NEB: variants seen among roughly 807,000 people sequenced by gnomAD.
The protein encoded by NEB is nemaline myopathy type 2.
In NEB, 512 loss-of-function variants were observed where a neutral mutation model predicts 952.2. That is an observed-to-expected ratio of 0.54 (90% confidence interval 0.50 to 0.58). The LOEUF (loss-of-function observed/expected upper bound fraction) is 0.58. Among genes scored for constraint, NEB ranks in the 20% least tolerant of loss-of-function variants. The probability of loss-of-function intolerance (pLI) is 0.00; values close to 1 mark genes in which losing one functional copy is unlikely to be tolerated. For missense variants in NEB, 8,428 were observed against 9,231.1 expected, an observed-to-expected ratio of 0.91 and a Z score of 3.56; for synonymous variants, 2,900 against 3,149.8, an observed-to-expected ratio of 0.92 and a Z score of 2.66.
intron 70 of NEB, 44 bp from the exon 71 acceptor site, chr2:151,625,682 T>C: frequency 2.2e-6 from 3 of 1,387,092 alleles, no homozygotes; most frequent in Non-Finnish European, 2.9e-6. Context: ...AACAGTTTGT[T>C]GTAAACAGGA....
chr2:151,642,554 A>T lies in NEB; in HGVS notation c.8373+20T>A. The T allele has an allele frequency of 6.3e-7, 1 of 1,590,014 alleles. No homozygotes were observed. Among genetic ancestry groups the T allele is most frequent in the Non-Finnish European group, 8.6e-7 (1 of 1,161,998 alleles). On this transcript the variant is annotated intron_variant, in intron 60 of 181. Coordinates refer to ENST00000397345, the MANE Select transcript of NEB (RefSeq NM_001164508.2). ...TCTTTGAGCCAAAGCTAAGGCAAAT[A>T]ACTTTCCAAGTATACTTACTTCACT...
At chr2:151,500,147 A>G (rs2063334935) in intron 168 of NEB, among the ~76,000 whole-genome samples, 1 of 152,214 alleles carries the variant, frequency 6.6e-6, no homozygotes, top group Non-Finnish European at 1.5e-5. Flanking sequence ...ACATATTAAC[A>G]TTGAAAATTT....
At chr2:151,674,668 G>C in intron 35 of NEB, 84 bp from the exon 36 acceptor site, 3 of 1,027,350 alleles carry the variant, frequency 2.9e-6, no homozygotes, top group Non-Finnish European at 4.5e-6. Context: ...CCAGACAGAA[G>C]TTGAAGGAAT....
intron 124 of NEB, among the ~76,000 whole-genome samples, chr2:151,558,331 G>A (rs1290333907): frequency 6.6e-6 from 1 of 152,118 alleles, no homozygotes; most frequent in Non-Finnish European, 1.5e-5. Flanking sequence ...CCTCTTCAAG[G>A]AGAACTACAA....
intron 14 of NEB, 34 bp from the exon 15 acceptor site, chr2:151,697,491 G>T: frequency 6.2e-7 from 1 of 1,603,558 alleles, no homozygotes. Flanking sequence ...TTATTAATTG[G>T]TGAAATAATG....
At chr2:151,626,859 C>A in intron 70 of NEB, 143 bp downstream of exon 70, 1 of 1,065,240 alleles carries the variant, frequency 9.4e-7, no homozygotes. Flanking sequence ...ATATTGTTAT[C>A]TAACAGAATA....
At chr2:151,498,134 C>G in intron 170 of NEB, 126 bp downstream of exon 170, 1 of 1,524,182 alleles carries the variant, frequency 6.6e-7, no homozygotes, top group Non-Finnish European at 8.9e-7. Context: ...AAAGTATATC[C>G]TTTTGTAATA....
intron 137 of NEB, 32 bp from the exon 138 acceptor site, chr2:151,540,480 C>A: frequency 6.7e-7 from 1 of 1,487,152 alleles, no homozygotes; most frequent in Non-Finnish European, 9.2e-7. Context: ...GAGAGACAAG[C>A]TTAAGTGTCT....
chr2:151,553,052 C>T (rs1029969596), intron 127 of NEB, among the ~76,000 whole-genome samples: 1 of 152,196 alleles, frequency 6.6e-6, no homozygotes, highest in Non-Finnish European at 1.5e-5. Flanking sequence ...GGAAAATCCT[C>T]TCTTTACAAA....
At chr2:151,671,368 T>C (rs1394280558) in intron 37 of NEB, 139 bp from the exon 38 acceptor site, 10 of 689,268 alleles carry the variant, frequency 1.5e-5, no homozygotes, top group Admixed American at 8.0e-5. Context: ...ACAGAGCTTA[T>C]CTGGAGTGTG....
chr2:151,548,284 C>T, intron 131 of NEB, 24 bp downstream of exon 131: 1 of 1,551,946 alleles, frequency 6.4e-7, no homozygotes, highest in South Asian at 1.1e-5. Context: ...CAATATGTCT[C>T]TTGGAGAATC....
chr2:151,645,419 T>G (rs995065848), intron 55 of NEB, among the ~76,000 whole-genome samples: 15 of 152,220 alleles, frequency 9.9e-5, no homozygotes, highest in Admixed American at 3.3e-4. Context: ...AAACTTATGT[T>G]TTGAAGAAGG....
At chr2:151,654,268 A>G (rs999679318) in intron 51 of NEB, among the ~76,000 whole-genome samples, 169 bp from the exon 52 acceptor site, 4 of 152,174 alleles carry the variant, frequency 2.6e-5, no homozygotes, top group African/African-American at 4.8e-5. Flanking sequence ...GGGAAAAAGC[A>G]CTGACTCAGC....
rs1435456283 is a variant in NEB at position 151,614,325 on chromosome 2, T to C, written c.11552A>G (p.Asp3851Gly). Residue 3851 changes from aspartate (D) to glycine (G), a missense_variant, in exon 77 of 182, where the codon GAT becomes GGT. Asp to Gly is a moderately conservative substitution (Grantham distance 94). Transcript: ENST00000397345. ...HPLHEWTCLP[D>G]QNDVIQARKA... Reference sequence around the variant, plus strand: ...CCGAGCCTGAATGACGTCATTCTGATCAGGCAGGCAGGTCCATTCATGCAG... The same window carrying C: ...CCGAGCCTGAATGACGTCATTCTGACCAGGCAGGCAGGTCCATTCATGCAG... 1.2e-6 allele frequency: 2 copies of C among 1,613,812 alleles called. No homozygotes were observed. The highest frequency in any genetic ancestry group is 1.6e-4 in the Middle Eastern group (1 of 6,082).
chr2:151,656,677 C>A (rs1424435736), intron 48 of NEB, among the ~76,000 whole-genome samples: 10 of 151,798 alleles, frequency 6.6e-5, no homozygotes, highest in Non-Finnish European at 8.8e-5. Flanking sequence ...GTTCTTATTA[C>A]TCTCCTCATT....
At position 151,519,069 on chromosome 2, in the gene NEB, C is replaced by A. The variant is rs369765913; in HGVS notation, c.22591G>T (p.Val7531Phe). The A allele has an allele frequency of 2.5e-6, 4 of 1,595,354 alleles. No individual in the cohort carries two copies. In the African/African-American group the frequency reaches 5.4e-5, roughly 21 times the overall value. The stretch of plus-strand genomic sequence containing the variant: ...TTCTTCAGGTCAGCCTTGTATTTAA[C>A]CTGTGTGTTATGGGGGAAGAAAGGA... The part of the protein sequence containing the change: ...MKDANNLASE[V>F]KYKADLKKLH... Residue 7531 changes from valine to phenylalanine, a missense_variant and splice_region_variant, in exon 155 of 182, where the codon GTT (valine) becomes TTT (phenylalanine). Physicochemically the swap from Val to Phe is conservative, Grantham distance 50 (BLOSUM62 -1). Around this residue, in one of 11 missense-constraint regions of NEB, gnomAD observed 3,374 missense variants for 3,651.5 expected, o/e 0.92. Transcript: ENST00000397345.
At chr2:151,628,732 G>A (rs2098590721) in intron 68 of NEB, among the ~76,000 whole-genome samples, 1 of 151,956 alleles carries the variant, frequency 6.6e-6, no homozygotes, top group Non-Finnish European at 1.5e-5. Flanking sequence ...TGTGGTGGCT[G>A]GTGCCTGTAA....
At chr2:151,530,948 A>C (rs1316217112) in intron 145 of NEB, 46 bp downstream of exon 145, 3 of 1,283,534 alleles carry the variant, frequency 2.3e-6, no homozygotes, top group Non-Finnish European at 3.4e-6. Context: ...ATCTCATTAG[A>C]AGGAGGCCAA....
chr2:151,601,343 A>G (rs2097527216), intron 88 of NEB, among the ~76,000 whole-genome samples: 1 of 143,680 alleles, frequency 7.0e-6, no homozygotes, highest in African/African-American at 2.6e-5. Flanking sequence ...TCCTGACCTC[A>G]AGTGATCCAC....
Sources: gnomAD v4.1 joint callset for allele counts (sites outside exome capture counted in the v4.1 genomes callset) on GRCh38, gnomAD v4.1.1 for gene constraint, gnomAD v4.1.1 regional missense constraint, MANE v1.5 for transcripts, NCBI Gene and HGNC (gene_info 2026-07-23, HGNC 2026-07-21) for gene names.